Variants in DGKD observed in about 807,000 individuals in gnomAD.
The protein encoded by DGKD is DAG kinase delta.
A neutral mutation model predicts 154.4 loss-of-function variants in DGKD; 68 were observed. The ratio of observed to expected loss-of-function variants is 0.44; its 90% CI spans 0.36 to 0.54. DGKD has a LOEUF of 0.54. DGKD is among the 20% of genes least tolerant of loss of function. The pLI is 0.00. For synonymous variants in DGKD, 693 were observed against 638.0 expected (o/e 1.09, Z -1.30); for missense variants, 1,343 against 1,593.6 (o/e 0.84, Z 2.68).
intron 10 of DGKD, 65 bp downstream of exon 10, chr2:233,442,060 C>T (rs777669954): frequency 1.5e-5 from 20 of 1,337,524 alleles, no homozygotes; most frequent in Middle Eastern, 1.8e-4. Context: ...GGAAATCATG[C>T]AGTCTCAGCT....
chr2:233,390,504 C>G, intron 3 of DGKD, 21 bp downstream of exon 3: 1 of 1,594,852 alleles, frequency 6.3e-7, no homozygotes, highest in South Asian at 1.1e-5. Context: ...TCAGTCATGC[C>G]TTTCTTGATT....
chr2:233,390,554 G>A (rs1317607332), intron 3 of DGKD, 71 bp downstream of exon 3: 2 of 1,131,348 alleles, frequency 1.8e-6, no homozygotes, highest in African/African-American at 3.1e-5. Flanking sequence ...CTGAACATGT[G>A]TCCAAGCAGT....
chr2:233,433,655 T>G (rs1455461093), intron 3 of DGKD, among the ~76,000 whole-genome samples: 1 of 151,968 alleles, frequency 6.6e-6, no homozygotes, highest in Non-Finnish European at 1.5e-5. Context: ...CTGTGATTAT[T>G]CTGTGCCTGT....
rs879378900 is a variant in DGKD at position 233,438,762 on chromosome 2, C to T, written c.1085+383C>T. Among the ~76,000 whole-genome samples, 18,175 of 88,310 alleles carry T rather than the reference C, an allele frequency of 0.21. 1,335 individuals are homozygous for T. Among genetic ancestry groups the T allele is most frequent in the South Asian group, 0.3 (744 of 2,492 alleles). The allele number at this position is 88,310 out of a possible 152,430, so 57.9% of individuals were successfully genotyped here. A position where few individuals can be genotyped will look rare whatever the true frequency, so the allele number is the denominator to read the frequency against. ...ATTTATCTGTCTATCTATCATCTAT[C>T]TATCTATCTATCTATCTATCTATCT... On this transcript the variant is annotated intron_variant, in intron 9 of 29. Coordinates refer to ENST00000264057, the MANE Select transcript of DGKD (RefSeq NM_152879.3). The surrounding 1 kb of genome is among the most constrained non-coding windows in gnomAD (Gnocchi z 4.1).
At chr2:233,383,699 C>T (rs1353414989) in intron 1 of DGKD, among the ~76,000 whole-genome samples, 1 of 152,186 alleles carries the variant, frequency 6.6e-6, no homozygotes, top group African/African-American at 2.4e-5. Flanking sequence ...CTGAAGTCCC[C>T]CTCCCTCCCA....
At chr2:233,375,240 G>A (rs755201513) in intron 1 of DGKD, among the ~76,000 whole-genome samples, 1 of 152,072 alleles carries the variant, frequency 6.6e-6, no homozygotes, top group Non-Finnish European at 1.5e-5. Flanking sequence ...GCAGTGAGCC[G>A]AGATCGTGCC....
chr2:233,400,541 T>C (rs2061534576), intron 3 of DGKD, among the ~76,000 whole-genome samples: 1 of 152,208 alleles, frequency 6.6e-6, no homozygotes, highest in South Asian at 2.1e-4. Context: ...TAACTGCCTC[T>C]CCTCTCACGG....
intron 3 of DGKD, among the ~76,000 whole-genome samples, chr2:233,416,449 T>C (rs1019442670): frequency 6.6e-6 from 1 of 150,908 alleles, no homozygotes; most frequent in Admixed American, 6.6e-5. Flanking sequence ...CTTAGTCAGG[T>C]TGACCTTCAG....
chr2:233,367,615 C>T (rs1440934552), intron 1 of DGKD, among the ~76,000 whole-genome samples: 3 of 152,162 alleles, frequency 2.0e-5, no homozygotes, highest in African/African-American at 4.8e-5. Context: ...GTTTTCCCAT[C>T]ATTCTTTTAC....
rs551987935 is a variant in DGKD, at chr2:233,461,241, C to T, written c.2981+896C>T. 1.6e-4 allele frequency among the ~76,000 whole-genome samples: 25 copies of T among 152,358 alleles called. No individual in the cohort carries two copies. The East Asian group carries it at 3.9e-3, about 24-fold the overall frequency. On this transcript the variant is annotated intron_variant, in intron 24 of 29. Coordinates refer to ENST00000264057, the MANE Select transcript of DGKD (RefSeq NM_152879.3). ...CCTGCATTCTCCCCCCGTGGCCGCA[C>T]GCTGGCTGGTGCCCTGGTGTCCCTT...
chr2:233,468,717 A>G (rs532515918), intron 29 of DGKD, among the ~76,000 whole-genome samples, 164 bp downstream of exon 29: 1 of 152,204 alleles, frequency 6.6e-6, no homozygotes, highest in Admixed American at 6.5e-5. Context: ...CTAGGCAGTG[A>G]TGGCTCCACC....
At chr2:233,455,862 C>T (rs1161820830) in intron 19 of DGKD, among the ~76,000 whole-genome samples, 2 of 152,226 alleles carry the variant, frequency 1.3e-5, no homozygotes, top group Non-Finnish European at 2.9e-5. Flanking sequence ...GAACTTTTGA[C>T]TCTGAGGCTC....
chr2:233,388,423 G>C (rs1703338978), intron 2 of DGKD, 56 bp downstream of exon 2: 1 of 1,527,326 alleles, frequency 6.5e-7, no homozygotes, highest in East Asian at 2.3e-5. Flanking sequence ...CGTCCCAGGG[G>C]AGGAACTGGG....
intron 3 of DGKD, among the ~76,000 whole-genome samples, chr2:233,404,009 T>G (rs910580199): frequency 6.6e-6 from 1 of 152,202 alleles, no homozygotes; most frequent in Non-Finnish European, 1.5e-5. Context: ...ATTTTGTGTT[T>G]TGTGTTACAA....
chr2:233,414,660 G>A (rs746611839), intron 3 of DGKD, among the ~76,000 whole-genome samples: 4 of 152,294 alleles, frequency 2.6e-5, no homozygotes, highest in East Asian at 1.9e-4. Flanking sequence ...TTGTCTCTGC[G>A]GTCCTGTACT....
chr2:233,387,233 G>T (rs1034721323), intron 1 of DGKD, among the ~76,000 whole-genome samples: 1 of 152,208 alleles, frequency 6.6e-6, no homozygotes, highest in African/African-American at 2.4e-5. Flanking sequence ...TTTACGTAAA[G>T]TGCAGAGCTA....
chr2:233,391,057 C>T (rs1030692180), intron 3 of DGKD, among the ~76,000 whole-genome samples: 3 of 152,160 alleles, frequency 2.0e-5, no homozygotes, highest in African/African-American at 7.2e-5. Context: ...TACCTCTGTA[C>T]AGAGTTTTGT....
intron 3 of DGKD, among the ~76,000 whole-genome samples, chr2:233,410,550 C>T (rs898427430): frequency 2.0e-5 from 3 of 152,194 alleles, no homozygotes; most frequent in African/African-American, 7.2e-5. Context: ...GTGCTGATTT[C>T]TCCAGGGCAG....
intron 3 of DGKD, among the ~76,000 whole-genome samples, chr2:233,423,587 A>G (rs1295227946): frequency 6.6e-6 from 1 of 152,094 alleles, no homozygotes; most frequent in African/African-American, 2.4e-5. Context: ...CAGGTGGTAT[A>G]GGAGACATCC....
Sources: gnomAD v4.1 joint callset for allele counts (sites outside exome capture counted in the v4.1 genomes callset) on GRCh38, gnomAD v4.1.1 for gene constraint, Gnocchi (gnomAD v3.1) non-coding constraint, MANE v1.5 for transcripts, NCBI Gene and HGNC (gene_info 2026-07-23, HGNC 2026-07-21) for gene names.